The following PTPRM variants were observed in gnomAD, a reference collection of about 807,000 sequenced individuals.
PTPRM encodes the protein protein tyrosine phosphatase receptor type M.
Under a neutral mutation model 186.7 loss-of-function variants are expected in PTPRM, and 47 were observed. That is an observed-to-expected ratio of 0.25 (90% CI 0.20 to 0.32). The LOEUF is 0.32. PTPRM is among the 10% of genes least tolerant of loss of function. The probability of loss-of-function intolerance (pLI) is 1.00; values close to 1 mark genes in which losing one functional copy is unlikely to be tolerated. For missense variants in PTPRM, 1,494 were observed against 1,865.0 expected (o/e 0.80, Z 3.66); for synonymous variants, 668 against 674.9 (o/e 0.99, Z 0.16).
At chr18:8,319,300 A>T (rs2095330814) in intron 22 of PTPRM, 86 bp downstream of exon 22, 1 of 962,298 alleles carries the variant, frequency 1.0e-6, no homozygotes, top group Non-Finnish European at 1.6e-6. Context: ...TCCTTCAGGA[A>T]GATATTGCAC....
intron 20 of PTPRM, among the ~76,000 whole-genome samples, chr18:8,307,986 C>T (rs917630029): frequency 6.6e-6 from 1 of 152,120 alleles, no homozygotes; most frequent in Non-Finnish European, 1.5e-5. Flanking sequence ...CAGAGTGGAA[C>T]ATGAGCTATT....
rs2094492979 is a variant in PTPRM at position 8,247,929 on chromosome 18, T to G, written c.2527+10T>G. 1 of 1,560,046 alleles carries G rather than the reference T, an allele frequency of 6.4e-7. No individual in the cohort carries two copies. The highest frequency in any genetic ancestry group is 1.7e-5 in the Admixed American group (1 of 59,914). Reference sequence around the variant, plus strand: ...AATTCCTATTACCCAGGTAACAGTTTTTTCCATTGTCTCCTCTCTGCTCTC... The same window carrying G: ...AATTCCTATTACCCAGGTAACAGTTGTTTCCATTGTCTCCTCTCTGCTCTC... On this transcript the variant is annotated intron_variant, in intron 16 of 32. Transcript: ENST00000580170.
intron 4 of PTPRM, among the ~76,000 whole-genome samples, chr18:7,913,800 G>C (rs954471880): frequency 2.6e-5 from 4 of 151,882 alleles, no homozygotes; most frequent in African/African-American, 9.7e-5. Flanking sequence ...TTATTTTGAT[G>C]CCAATTTAAA....
In PTPRM at chr18:7,949,249, A is replaced by G. The variant is rs2052770991; in HGVS notation, c.732A>G (p.Ser244=). 1 of 1,612,804 alleles carries G rather than the reference A, an allele frequency of 6.2e-7. No individual in the cohort carries two copies. Among genetic ancestry groups the G allele is most frequent in the South Asian group, 1.1e-5 (1 of 91,042 alleles). Reference sequence around the variant, plus strand: ...CCAGCTCCCGACGCTTCATTGCTTCATTTAATGTTGTGAATACCACCAAAC... The same window carrying G: ...CCAGCTCCCGACGCTTCATTGCTTCGTTTAATGTTGTGAATACCACCAAAC... ...KVTSSRRFIA[S]FNVVNTTKRD... is the part of the protein sequence containing the mutation. Residue 244 remains serine, a synonymous_variant, in exon 6 of 33, where the codon TCA becomes TCG. Transcript: ENST00000580170.
intron 1 of PTPRM, among the ~76,000 whole-genome samples, chr18:7,664,188 C>G (rs757811462): frequency 2.3e-4 from 35 of 152,222 alleles, no homozygotes; most frequent in Admixed American, 1.3e-4. Flanking sequence ...CTCTTTGTGT[C>G]TCTCTGCCAG....
At chr18:8,180,005 A>G (rs1205138993) in intron 14 of PTPRM, among the ~76,000 whole-genome samples, 2 of 147,192 alleles carry the variant, frequency 1.4e-5, no homozygotes, top group African/African-American at 5.0e-5. Flanking sequence ...GAGGTTATCT[A>G]CGTACTGTGA....
chr18:8,005,783 G>A (rs2084148593), intron 7 of PTPRM, among the ~76,000 whole-genome samples: 2 of 152,042 alleles, frequency 1.3e-5, no homozygotes, highest in South Asian at 2.1e-4. Flanking sequence ...TTATTACACA[G>A]CTGACACTCA....
chr18:8,113,718 A>C lies in PTPRM; in HGVS notation c.2089A>C (p.Ser697Arg). The C allele has an allele frequency of 6.2e-7, 1 of 1,613,796 alleles. No homozygotes were observed. Residue 697 changes from serine (S) to arginine (R), a missense_variant, in exon 12 of 33, where the codon AGC becomes CGC. By Grantham distance (110) the Ser-to-Arg change is moderately radical. This residue lies in a region of PTPRM where 1,107 missense variants were observed against 1,350.2 expected (regional missense o/e 0.82). Coordinates refer to ENST00000580170, the MANE Select transcript of PTPRM (RefSeq NM_001105244.2). ...GAACACTCCCCTTCTCCCCTATAAA[A>C]GCTACAGAATTTATTTCCAAGCTGC... ...YWNTPLLPYK[S>R]YRIYFQAASR...
In PTPRM at chr18:7,615,355, A is replaced by T. The variant is rs529047927; in HGVS notation, c.73+47464A>T. 4.2e-3 allele frequency among the ~76,000 whole-genome samples: 638 copies of T among 152,134 alleles called. 3 individuals are homozygous for T. The highest frequency in any genetic ancestry group is 7.6e-3 in the Non-Finnish European group (517 of 67,986). ...ATCATGCTTAGTTTTGCATACACACATGGAAGGGCAGGCTGTAGCAGGAAG... is the reference window on the plus strand; with the variant it reads ...ATCATGCTTAGTTTTGCATACACACTTGGAAGGGCAGGCTGTAGCAGGAAG... On this transcript the variant is annotated intron_variant, in intron 1 of 32. Coordinates refer to ENST00000580170, the MANE Select transcript of PTPRM (RefSeq NM_001105244.2).
intron 14 of PTPRM, among the ~76,000 whole-genome samples, chr18:8,189,791 G>T (rs1402175901): frequency 6.6e-6 from 1 of 152,070 alleles, no homozygotes; most frequent in South Asian, 2.1e-4. Flanking sequence ...ACTTTAAAGA[G>T]CCCTCTTTTA....
chr18:7,597,012 C>T (rs915715971), intron 1 of PTPRM, among the ~76,000 whole-genome samples: 9 of 152,076 alleles, frequency 5.9e-5, no homozygotes, highest in Admixed American at 3.9e-4. Context: ...TGCTACCATA[C>T]CCGGAAAATG....
intron 7 of PTPRM, among the ~76,000 whole-genome samples, chr18:7,989,960 A>G (rs1355271622): frequency 1.3e-5 from 2 of 152,076 alleles, no homozygotes; most frequent in African/African-American, 2.4e-5. Flanking sequence ...CTGGAGTGCA[A>G]TGGCACGATT....
At chr18:8,006,332 A>C (rs1417805443) in intron 7 of PTPRM, among the ~76,000 whole-genome samples, 1 of 152,210 alleles carries the variant, frequency 6.6e-6, no homozygotes, top group Non-Finnish European at 1.5e-5. Context: ...ATGCATAGCC[A>C]TGATCAGTGT....
intron 5 of PTPRM, among the ~76,000 whole-genome samples, chr18:7,937,486 G>A (rs867506660): frequency 4.6e-5 from 7 of 152,122 alleles, no homozygotes; most frequent in Non-Finnish European, 8.8e-5. Flanking sequence ...TCACACACCC[G>A]TCACCTCTCC....
chr18:8,372,721 G>GAAA (rs5823006), intron 24 of PTPRM, among the ~76,000 whole-genome samples: 1 of 145,680 alleles, frequency 6.9e-6, no homozygotes, highest in Non-Finnish European at 1.5e-5. Context: ...GGCAGAATTG[G>GAAA]AAAAAAAAAA....
Position 7,931,518 on chromosome 18 carries a change from C to G in PTPRM, c.663+4835C>G, listed in dbSNP as rs578002440. On this transcript the variant is annotated intron_variant, in intron 5 of 32. Transcript: ENST00000580170. The stretch of plus-strand genomic sequence containing the variant: ...CAGATCGAGACCATCCTGGCCAACA[C>G]TGTGAAACCCTGTCTCTACTGAAAA... 1.3e-3 allele frequency among the ~76,000 whole-genome samples: 194 copies of G among 152,244 alleles called. 1 individual carries two copies. Among genetic ancestry groups the G allele is most frequent in the Non-Finnish European group, 1.7e-3 (119 of 68,022 alleles).
intron 1 of PTPRM, among the ~76,000 whole-genome samples, chr18:7,738,594 C>G (rs1420624853): frequency 2.2e-5 from 3 of 139,282 alleles, no homozygotes; most frequent in Non-Finnish European, 4.7e-5. Flanking sequence ...CGCCACCACA[C>G]CCGGCTATTT....
chr18:8,277,139 G>T (rs1203020137), intron 19 of PTPRM, among the ~76,000 whole-genome samples: 1 of 152,144 alleles, frequency 6.6e-6, no homozygotes, highest in Non-Finnish European at 1.5e-5. Flanking sequence ...GTTTTACCAT[G>T]TTGGCAAGGC....
At chr18:7,650,754 A>T (rs1568005466) in intron 1 of PTPRM, among the ~76,000 whole-genome samples, 1 of 151,998 alleles carries the variant, frequency 6.6e-6, no homozygotes, top group East Asian at 1.9e-4. Flanking sequence ...GGTTGAAGAA[A>T]CATTATAAAA....
Sources: allele counts gnomAD v4.1 joint callset (sites outside exome capture counted in the v4.1 genomes callset), GRCh38; gene constraint gnomAD v4.1.1; regional missense constraint gnomAD v4.1.1; transcripts MANE v1.5; gene names NCBI Gene and HGNC (gene_info 2026-07-23, HGNC 2026-07-21).